The following RAP1GDS1 variants were observed in gnomAD, a reference collection of about 807,000 sequenced individuals.
RAP1GDS1 encodes RAP1, GTP-GDP dissociation stimulator 1.
Under a neutral mutation model 71.1 loss-of-function variants are expected in RAP1GDS1, and 35 were observed. The ratio of observed to expected loss-of-function variants is 0.49; its 90% CI spans 0.38 to 0.65. The LOEUF is 0.65. Among genes scored for constraint, RAP1GDS1 ranks in the 30% least tolerant of loss-of-function variants. The pLI, the probability that RAP1GDS1 is intolerant of heterozygous loss-of-function variation, is 0.00. For synonymous variants in RAP1GDS1, 229 were observed against 243.1 expected (o/e 0.94, Z 0.54); for missense variants, 663 against 706.1 (o/e 0.94, Z 0.69).
chr4:98,356,328 T>C (rs1737965446), intron 4 of RAP1GDS1, among the ~76,000 whole-genome samples: 1 of 152,154 alleles, frequency 6.6e-6, no homozygotes, highest in Admixed American at 6.5e-5. Context: ...TTCCTCATTT[T>C]ATTGATTTGT....
rs61750823 is a variant in RAP1GDS1, at chr4:98,442,004, G to C, written c.1711G>C (p.Glu571Gln). Reference sequence around the variant, plus strand: ...TTGTCTTCCAGAATGTCTACACAAGGAAGTACAGGATTTGGCTTTTCTAGA... The same window carrying C: ...TTGTCTTCCAGAATGTCTACACAAGCAAGTACAGGATTTGGCTTTTCTAGA... ...ALMGSECLHKEVQDLAFLDVV... is the reference protein window; with the variant it reads ...ALMGSECLHKQVQDLAFLDVV... The change falls in exon 15 of 15, where the codon GAA becomes CAA. Residue 571 changes from glutamate (E) to glutamine (Q), a missense_variant. Physicochemically the swap from Glu to Gln is conservative, Grantham distance 29. Coordinates refer to ENST00000408927, the MANE Select transcript of RAP1GDS1 (RefSeq NM_001100427.2). 1,010 of 1,613,752 alleles carry C rather than the reference G, an allele frequency of 6.3e-4. 1 individual carries two copies. Among genetic ancestry groups the C allele is most frequent in the Non-Finnish European group, 8.1e-4 (954 of 1,179,962 alleles).
At chr4:98,313,193 A>C (rs774039749) in intron 2 of RAP1GDS1, among the ~76,000 whole-genome samples, 1 of 151,884 alleles carries the variant, frequency 6.6e-6, no homozygotes, top group Non-Finnish European at 1.5e-5. Context: ...CTGCAGTTCA[A>C]CTCTGAAGAC....
At chr4:98,405,943 T>A (rs34491917) in intron 7 of RAP1GDS1, among the ~76,000 whole-genome samples, 22,041 of 151,986 alleles carry the variant, frequency 0.15, 2,349 homozygotes, top group African/African-American at 0.3. Context: ...CAAACTGAGC[T>A]TATAAATAAG....
rs1332062311 is a variant in RAP1GDS1 at position 98,423,109 on chromosome 4, G to A, written c.1440+1715G>A. Among the ~76,000 whole-genome samples, 4 of 152,354 alleles carry A rather than the reference G, an allele frequency of 2.6e-5. No homozygotes were observed. The East Asian group carries it at 5.8e-4, about 22-fold the overall frequency. On this transcript the variant is annotated intron_variant, in intron 12 of 14. Coordinates refer to ENST00000408927, the MANE Select transcript of RAP1GDS1 (RefSeq NM_001100427.2). ...ACAGAAATAAAAACAGCTAGCTTAA[G>A]TACAGCTTTAAAGCTACGTATGCTA...
intron 6 of RAP1GDS1, among the ~76,000 whole-genome samples, chr4:98,395,637 A>G (rs1265293091): frequency 6.6e-6 from 1 of 152,186 alleles, no homozygotes; most frequent in Non-Finnish European, 1.5e-5. Flanking sequence ...TATTTGCCCT[A>G]TAGCTCTGTC....
chr4:98,343,073 A>G lies in RAP1GDS1; in HGVS notation c.113-66A>G, dbSNP rs1471924390. 2.1e-5 allele frequency: 30 copies of G among 1,461,562 alleles called. No individual in the cohort carries two copies. The East Asian group carries it at 7.1e-4, about 34-fold the overall frequency. 90.5% of individuals were successfully genotyped at this position (1,461,562 alleles called of 1,614,324 possible). ...GAAAAATTCTTGAAGAATTTATTGT[A>G]GATAATGGTTGTCAGTGTTAGCATT... On this transcript the variant is annotated intron_variant, in intron 2 of 14. Transcript: ENST00000408927.
intron 5 of RAP1GDS1, among the ~76,000 whole-genome samples, chr4:98,388,564 A>T (rs969526859): frequency 2.0e-5 from 3 of 152,226 alleles, no homozygotes; most frequent in African/African-American, 7.2e-5. Context: ...TGTCTCTACT[A>T]AAAATACAAA....
At position 98,285,893 on chromosome 4, in the gene RAP1GDS1, A is replaced by AACATT. The variant is rs543486365; in HGVS notation, c.5-7514_5-7513insCATTA. Among the ~76,000 whole-genome samples the AACATT allele has an allele frequency of 6.0e-3, 808 of 133,694 alleles. 4 individuals are homozygous for AACATT. The highest frequency in any genetic ancestry group is 0.025 in the African/African-American group (781 of 31,368). 87.7% of individuals were successfully genotyped at this position (133,694 alleles called of 152,430 possible). ...AAATTATAAATAATAAATAATTGTA[A>AACATT]ATAAACATTATAAATTATTTATAAT... On this transcript the variant is annotated intron_variant, in intron 1 of 14. Transcript: ENST00000408927.
intron 1 of RAP1GDS1, among the ~76,000 whole-genome samples, chr4:98,279,822 T>C (rs1578280740): frequency 6.6e-6 from 1 of 152,152 alleles, no homozygotes; most frequent in East Asian, 1.9e-4. Flanking sequence ...AGTGTTCTCA[T>C]TGTTCAGTTC....
chr4:98,316,619 A>G (rs547113728), intron 2 of RAP1GDS1, among the ~76,000 whole-genome samples: 2 of 152,228 alleles, frequency 1.3e-5, no homozygotes, highest in South Asian at 2.1e-4. Context: ...GGGAAATACA[A>G]TGTTACCAGA....
chr4:98,334,621 T>G (rs1734444244), intron 2 of RAP1GDS1, among the ~76,000 whole-genome samples: 1 of 152,196 alleles, frequency 6.6e-6, no homozygotes, highest in Admixed American at 6.5e-5. Flanking sequence ...CTCAAGACTT[T>G]CAAGTGTTTG....
At chr4:98,366,289 G>A (rs1312422905) in intron 4 of RAP1GDS1, among the ~76,000 whole-genome samples, 1 of 152,116 alleles carries the variant, frequency 6.6e-6, no homozygotes, top group Non-Finnish European at 1.5e-5. Context: ...CTCTTTGCCT[G>A]CTGCCATCCA....
chr4:98,400,890 T>C lies in RAP1GDS1; in HGVS notation c.638-3587T>C, dbSNP rs180696125. 2.0e-5 allele frequency among the ~76,000 whole-genome samples: 3 copies of C among 152,274 alleles called. No individual in the cohort carries two copies. The East Asian group carries it at 5.8e-4, about 29-fold the overall frequency. ...AGGGAAAATGACTTCCAACATAGAA[T>C]CCTATACTCTGTCATACTATCAGTT... is the stretch of plus-strand genomic sequence containing the variant. On this transcript the variant is annotated intron_variant, in intron 6 of 14. Coordinates refer to ENST00000408927, the MANE Select transcript of RAP1GDS1 (RefSeq NM_001100427.2).
At position 98,392,032 on chromosome 4, in the gene RAP1GDS1, G is replaced by T; in HGVS notation, c.589G>T (p.Ala197Ser). Reference protein sequence around the residue: ...KLLGIHCQNAALTEMCLVAFG... With the variant: ...KLLGIHCQNASLTEMCLVAFG... ...ACTGGGCATCCACTGCCAAAATGCA[G>T]CTCTTACAGAAATGTGTCTTGTTGC... Residue 197 changes from alanine to serine, a missense_variant, in exon 6 of 15, where the codon GCT (alanine) becomes TCT (serine). Physicochemically the swap from Ala to Ser is moderately conservative, Grantham distance 99. Coordinates refer to ENST00000408927, the MANE Select transcript of RAP1GDS1 (RefSeq NM_001100427.2). 1 of 1,612,680 alleles carries T rather than the reference G, an allele frequency of 6.2e-7. No homozygotes were observed. Among genetic ancestry groups the T allele is most frequent in the Non-Finnish European group, 8.5e-7 (1 of 1,179,186 alleles).
At chr4:98,409,969 A>G (rs1037304556) in intron 7 of RAP1GDS1, among the ~76,000 whole-genome samples, 1 of 152,176 alleles carries the variant, frequency 6.6e-6, no homozygotes, top group Non-Finnish European at 1.5e-5. Flanking sequence ...GACATTGGTT[A>G]CTTTAAAAGT....
intron 5 of RAP1GDS1, among the ~76,000 whole-genome samples, chr4:98,391,009 A>C (rs560531999): frequency 3.9e-5 from 6 of 152,132 alleles, no homozygotes; most frequent in Non-Finnish European, 5.9e-5. Flanking sequence ...ATTTTTGAAG[A>C]GCATTTCTGT....
In RAP1GDS1 at chr4:98,269,173, CAAAAAAAAAA is replaced by C. The variant is rs56015226; in HGVS notation, c.4+7617_4+7626del. 2.1e-3 allele frequency among the ~76,000 whole-genome samples: 121 copies of C among 56,888 alleles called. 2 individuals carry two copies. The highest frequency in any genetic ancestry group is 7.9e-3 in the African/African-American group (117 of 14,774). 37.3% of individuals were successfully genotyped at this position (56,888 alleles called of 152,430 possible). A position where few individuals can be genotyped will look rare whatever the true frequency, so the allele number is the denominator to read the frequency against. ...CAAGAATTTACAGTCAATTGATCTT[CAAAAAAAAAA>C]AAAAAAAAAAAAGCCAAGGAAACAC... On this transcript the variant is annotated intron_variant, in intron 1 of 14. Coordinates refer to ENST00000408927, the MANE Select transcript of RAP1GDS1 (RefSeq NM_001100427.2).
chr4:98,325,871 A>G (rs916418779), intron 2 of RAP1GDS1, among the ~76,000 whole-genome samples: 2 of 151,314 alleles, frequency 1.3e-5, no homozygotes, highest in Non-Finnish European at 2.9e-5. Flanking sequence ...ATGTATACAT[A>G]TGTAACTAAC....
At position 98,416,878 on chromosome 4, in the gene RAP1GDS1, A is replaced by C. The variant is rs1406124394; in HGVS notation, c.897A>C (p.Leu299Phe). The C allele has an allele frequency of 2.5e-6, 4 of 1,612,312 alleles. No individual in the cohort carries two copies. The highest frequency in any genetic ancestry group is 2.5e-6 in the Non-Finnish European group (3 of 1,179,498). Residue 299 changes from leucine (L) to phenylalanine (F), a missense_variant, in exon 8 of 15, where the codon TTA becomes TTC. Leu to Phe is a conservative substitution (Grantham distance 22, BLOSUM62 0). Coordinates refer to ENST00000408927, the MANE Select transcript of RAP1GDS1 (RefSeq NM_001100427.2). ...CTGGTTCAGATCTCATGGTTTTATT[A>C]CTTCTTGGAGGTGAGTTGTAATTTA... ...LKTGSDLMVL[L>F]LLGDESMQKL...
Sources: gnomAD v4.1 joint callset for allele counts (sites outside exome capture counted in the v4.1 genomes callset) on GRCh38, gnomAD v4.1.1 for gene constraint, MANE v1.5 for transcripts, NCBI Gene and HGNC (gene_info 2026-07-23, HGNC 2026-07-21) for gene names.